CLSTN2: variants seen among roughly 807,000 people sequenced by gnomAD.
CLSTN2 encodes calsyntenin 2.
A neutral mutation model predicts 101.2 loss-of-function variants in CLSTN2; 48 were observed. That is an observed-to-expected ratio of 0.47 (90% CI 0.38 to 0.60). The LOEUF (loss-of-function observed/expected upper bound fraction) is 0.60. Among genes scored for constraint, CLSTN2 ranks in the 20% least tolerant of loss-of-function variants. The probability of loss-of-function intolerance (pLI) is 0.00; values close to 1 mark genes in which losing one functional copy is unlikely to be tolerated. For synonymous variants in CLSTN2, 481 were observed against 463.6 expected, an observed-to-expected ratio of 1.04 and a Z score of -0.48; for missense variants, 1,160 against 1,238.2, an observed-to-expected ratio of 0.94 and a Z score of 0.95.
chr3:139,946,646 G>A (rs571220455), intron 1 of CLSTN2, among the ~76,000 whole-genome samples: 1 of 152,178 alleles, frequency 6.6e-6, no homozygotes, highest in Non-Finnish European at 1.5e-5. Context: ...AGGGGCAGAG[G>A]CTGCTGCTCC....
chr3:140,241,904 C>CAT (rs755322726), intron 2 of CLSTN2, among the ~76,000 whole-genome samples: 15 of 147,380 alleles, frequency 1.0e-4, no homozygotes, highest in African/African-American at 3.3e-4. Flanking sequence ...CACACACACA[C>CAT]ATATATATAT....
At chr3:140,194,373 A>G (rs1388869460) in intron 2 of CLSTN2, among the ~76,000 whole-genome samples, 1 of 152,134 alleles carries the variant, frequency 6.6e-6, no homozygotes, top group African/African-American at 2.4e-5. Context: ...TCATGACCTA[A>G]GCACCTCTCA....
chr3:140,037,033 T>G (rs2007667683), intron 1 of CLSTN2, among the ~76,000 whole-genome samples: 1 of 152,232 alleles, frequency 6.6e-6, no homozygotes, highest in Non-Finnish European at 1.5e-5. Flanking sequence ...TTTTTGTCTT[T>G]TCTCTTGTGT....
chr3:139,949,836 G>A lies in CLSTN2; in HGVS notation c.109+14353G>A, dbSNP rs1164496638. Among the ~76,000 whole-genome samples the A allele has an allele frequency of 3.3e-5, 5 of 152,314 alleles. No homozygotes were observed. In the East Asian group the frequency reaches 9.7e-4, roughly 29 times the overall value. The stretch of plus-strand genomic sequence containing the variant: ...CCTTGGGTCCTCCTTGCTCCTATCA[G>A]CATTCCCTTAAACCCTAGACTGTAC... On this transcript the variant is annotated intron_variant, in intron 1 of 16. Transcript: ENST00000458420.
intron 1 of CLSTN2, among the ~76,000 whole-genome samples, chr3:140,070,588 T>C (rs558186876): frequency 9.9e-5 from 15 of 151,948 alleles, no homozygotes; most frequent in Non-Finnish European, 1.8e-4. Flanking sequence ...GTAGAAAGAG[T>C]ATATTTTTTG....
chr3:140,160,225 ATATT>A (rs1257830181), intron 1 of CLSTN2, among the ~76,000 whole-genome samples: 3 of 152,150 alleles, frequency 2.0e-5, no homozygotes, highest in African/African-American at 4.8e-5. Context: ...GAGTTAATGT[ATATT>A]TAGAGTTTCT....
At chr3:140,024,979 C>G (rs988264682) in intron 1 of CLSTN2, among the ~76,000 whole-genome samples, 1 of 152,156 alleles carries the variant, frequency 6.6e-6, no homozygotes. Flanking sequence ...GGTATTTGAA[C>G]TAGACCAAGA....
rs2010083896 is a variant in CLSTN2, at chr3:140,163,442, A to T, written c.110-12509A>T. Reference sequence around the variant, plus strand: ...TCTACACACACACACACACACACACACACACACAGATGTAGAGCTAGATAG... The same window carrying T: ...TCTACACACACACACACACACACACTCACACACAGATGTAGAGCTAGATAG... On this transcript the variant is annotated intron_variant, in intron 1 of 16. Coordinates refer to ENST00000458420, the MANE Select transcript of CLSTN2 (RefSeq NM_022131.3). Among the ~76,000 whole-genome samples, 2 of 151,914 alleles carry T rather than the reference A, an allele frequency of 1.3e-5. 1 individual carries two copies. Among genetic ancestry groups the T allele is most frequent in the South Asian group, 4.2e-4 (2 of 4,808 alleles).
At chr3:140,266,672 C>T (rs1271947187) in intron 2 of CLSTN2, among the ~76,000 whole-genome samples, 2 of 152,202 alleles carry the variant, frequency 1.3e-5, no homozygotes, top group African/African-American at 4.8e-5. Context: ...GTTTCATCCA[C>T]CTTGTCTATG....
At chr3:140,556,809 A>G in intron 11 of CLSTN2, 148 bp downstream of exon 11, 3 of 707,620 alleles carry the variant, frequency 4.2e-6, no homozygotes, top group Admixed American at 2.9e-5. Context: ...GGATGCCTCA[A>G]AGGATCTGTG....
chr3:140,428,271 T>A (rs1420533596), intron 5 of CLSTN2, among the ~76,000 whole-genome samples: 2 of 152,216 alleles, frequency 1.3e-5, no homozygotes, highest in African/African-American at 2.4e-5. Context: ...ATCTTTTTTT[T>A]TCTATGTTTC....
chr3:140,299,153 G>A (rs1342463975), intron 2 of CLSTN2, among the ~76,000 whole-genome samples: 4 of 152,112 alleles, frequency 2.6e-5, no homozygotes, highest in Admixed American at 6.5e-5. Flanking sequence ...AACTACTCCA[G>A]GACACAACTT....
intron 5 of CLSTN2, among the ~76,000 whole-genome samples, chr3:140,447,173 A>C (rs1215932945): frequency 1.3e-5 from 2 of 152,226 alleles, no homozygotes; most frequent in African/African-American, 4.8e-5. Context: ...AGGCAACTTT[A>C]TAGATTTTTA....
chr3:140,514,817 A>C (rs1934886002), intron 8 of CLSTN2, among the ~76,000 whole-genome samples: 1 of 152,056 alleles, frequency 6.6e-6, no homozygotes. Context: ...TTATGTTCTT[A>C]GTGTTGCCAT....
At position 140,568,320 on chromosome 3, in the gene CLSTN2, TGAAGAG is replaced by T. The variant is rs1985368714; in HGVS notation, c.*2074_*2079del. On this transcript the variant is annotated 3_prime_UTR_variant, in exon 17 of 17. Transcript: ENST00000458420. ...GCCTAGAAATTACACAAGAGACAAA[TGAAGAG>T]GAAGAGAAGTCACAAGAGAAGAAGG... 6.6e-6 allele frequency: 1 copy of T among 152,002 alleles called. No homozygotes were observed. Among genetic ancestry groups the T allele is most frequent in the Non-Finnish European group, 1.5e-5 (1 of 68,028 alleles). 9.4% of individuals were successfully genotyped at this position (152,002 alleles called of 1,614,324 possible). A position where few individuals can be genotyped will look rare whatever the true frequency, so the allele number is the denominator to read the frequency against.
intron 2 of CLSTN2, among the ~76,000 whole-genome samples, chr3:140,370,532 G>A (rs1421941906): frequency 6.6e-6 from 1 of 152,098 alleles, no homozygotes; most frequent in Admixed American, 6.5e-5. Context: ...TTATGACCTG[G>A]TTAATAATGA....
Position 140,275,233 on chromosome 3 carries a change from T to C in CLSTN2, c.232+99160T>C, listed in dbSNP as rs151163792. 5.3e-4 allele frequency among the ~76,000 whole-genome samples: 80 copies of C among 151,086 alleles called. 1 individual carries two copies. In the East Asian group the frequency reaches 0.015, roughly 28 times the overall value. On this transcript the variant is annotated intron_variant, in intron 2 of 16. Transcript: ENST00000458420. ...CACATCCTTGTTTGACTTCCTCTTT[T>C]CCCTGTCCCAAAAACCCTTCCTTAC...
chr3:140,540,307 G>T (rs75689452), intron 9 of CLSTN2, among the ~76,000 whole-genome samples: 9 of 152,184 alleles, frequency 5.9e-5, no homozygotes, highest in Admixed American at 5.9e-4. Flanking sequence ...GGTTGAGAAA[G>T]CCTGCTGGGA....
intron 5 of CLSTN2, among the ~76,000 whole-genome samples, chr3:140,447,209 T>A (rs115132558): frequency 0.014 from 2,114 of 152,354 alleles, 55 homozygotes; most frequent in African/African-American, 0.047. Flanking sequence ...AGGGATATCA[T>A]CTAGCAATGT....
Sources: allele counts gnomAD v4.1 joint callset (sites outside exome capture counted in the v4.1 genomes callset), GRCh38; gene constraint gnomAD v4.1.1; transcripts MANE v1.5; gene names NCBI Gene and HGNC (gene_info 2026-07-23, HGNC 2026-07-21).